The following HYCC2 variants were observed in gnomAD, a reference collection of about 807,000 sequenced individuals.
HYCC2 encodes hyccin PI4KA lipid kinase complex subunit 2.
the HYCC2 span, among the ~76,000 whole-genome samples, chr2:201,039,578 C>T: frequency 0.32 from 48,105 of 151,874 alleles, 10,092 homozygotes; most frequent in African/African-American, 0.6. Context: ...GTCTTTTTTT[C>T]GGTCAGGCAA....
chr2:200,986,190 C>A, the HYCC2 span, among the ~76,000 whole-genome samples: 2 of 152,254 alleles, frequency 1.3e-5, no homozygotes, highest in African/African-American at 4.8e-5. Flanking sequence ...TTTTTTGGGT[C>A]CCTAGGTCAT....
the HYCC2 span, among the ~76,000 whole-genome samples, chr2:200,990,220 A>G: frequency 1.3e-5 from 2 of 152,162 alleles, no homozygotes; most frequent in Admixed American, 6.5e-5. Context: ...TTTGGTATTT[A>G]TAATTTTGGT....
the HYCC2 span, among the ~76,000 whole-genome samples, chr2:200,991,730 G>A: frequency 2.7e-5 from 4 of 148,804 alleles, no homozygotes; most frequent in Non-Finnish European, 4.4e-5. Context: ...GAGAGACTTC[G>A]TATCAAAAAC....
At chr2:200,981,364 G>C in the HYCC2 span, 1 of 1,614,192 alleles carries the variant, frequency 6.2e-7, no homozygotes, top group Non-Finnish European at 8.5e-7. This position sits in a 1 kb window ranked among gnomAD's most constrained non-coding sequence, Gnocchi z 4.5. Context: ...ACCTTCGCCA[G>C]CTTGACCTAG....
chr2:201,064,002 A>G, the HYCC2 span: 6 of 1,597,344 alleles, frequency 3.8e-6, no homozygotes, highest in Admixed American at 3.3e-5. Context: ...TAAGGTGGCT[A>G]TGGCGGTTCC....
the HYCC2 span, among the ~76,000 whole-genome samples, chr2:201,013,657 C>G: frequency 3.3e-5 from 5 of 152,104 alleles, no homozygotes; most frequent in East Asian, 9.6e-4. Flanking sequence ...TGAAAAGTCC[C>G]TTGAGGGTAT....
At chr2:201,005,277 T>C in the HYCC2 span, among the ~76,000 whole-genome samples, 1 of 152,118 alleles carries the variant, frequency 6.6e-6, no homozygotes, top group Non-Finnish European at 1.5e-5. Flanking sequence ...TCCTCTGTTT[T>C]TCTGGGGGGG....
chr2:200,974,760 A>G, the HYCC2 span: 3 of 152,010 alleles, frequency 2.0e-5, no homozygotes, highest in African/African-American at 7.2e-5. Flanking sequence ...AAAATTATTT[A>G]ACTTTTGAAA....
At chr2:201,001,956 G>A in the HYCC2 span, among the ~76,000 whole-genome samples, 1 of 152,090 alleles carries the variant, frequency 6.6e-6, no homozygotes, top group African/African-American at 2.4e-5. Context: ...ATAGGCATGA[G>A]CCACTGTGCC....
the HYCC2 span, among the ~76,000 whole-genome samples, chr2:201,003,708 TAAAAA>T: frequency 5.4e-4 from 69 of 128,260 alleles, no homozygotes; most frequent in Middle Eastern, 4.2e-3. Context: ...GACTCCATCT[TAAAAA>T]AAAAAAAAAA....
the HYCC2 span, among the ~76,000 whole-genome samples, chr2:201,000,621 C>T: frequency 6.6e-6 from 1 of 151,946 alleles, no homozygotes; most frequent in East Asian, 1.9e-4. Flanking sequence ...GTTGTAGAAA[C>T]GTAAAATGGT....
the HYCC2 span, among the ~76,000 whole-genome samples, chr2:201,031,373 C>T: frequency 6.6e-6 from 1 of 152,118 alleles, no homozygotes; most frequent in South Asian, 2.1e-4. Context: ...AAAAATCGGC[C>T]GGGCACAGTG....
At chr2:201,050,907 C>T in the HYCC2 span, among the ~76,000 whole-genome samples, 1 of 152,130 alleles carries the variant, frequency 6.6e-6, no homozygotes, top group Admixed American at 6.5e-5. Flanking sequence ...TGCACTCCAG[C>T]CTGGGGGGAC....
chr2:201,050,122 G>A, the HYCC2 span, among the ~76,000 whole-genome samples: 4,518 of 151,778 alleles, frequency 0.03, 108 homozygotes, highest in Middle Eastern at 0.088. Context: ...TGTGAGGTGG[G>A]AGGATTGCTT....
the HYCC2 span, among the ~76,000 whole-genome samples, chr2:201,019,167 C>A: frequency 2.6e-5 from 4 of 152,102 alleles, no homozygotes; most frequent in Non-Finnish European, 5.9e-5. Flanking sequence ...AAAATTTATA[C>A]TCATGTTTCA....
the HYCC2 span, among the ~76,000 whole-genome samples, chr2:201,033,465 G>A: frequency 2.6e-5 from 4 of 151,278 alleles, no homozygotes; most frequent in African/African-American, 7.3e-5. Context: ...GTGCAGTGGC[G>A]CGATCTCGGC....
At chr2:201,043,857 C>T in the HYCC2 span, among the ~76,000 whole-genome samples, 72 of 152,234 alleles carry the variant, frequency 4.7e-4, no homozygotes, top group Non-Finnish European at 8.5e-4. Context: ...ATAGAGATAT[C>T]TACAGAGCAC....
chr2:201,050,618 A>C, the HYCC2 span, among the ~76,000 whole-genome samples: 4 of 150,968 alleles, frequency 2.6e-5, no homozygotes, highest in African/African-American at 9.7e-5. Context: ...AAAAAAAGGA[A>C]TAAAGACTTC....
the HYCC2 span, among the ~76,000 whole-genome samples, chr2:201,058,263 T>A: frequency 6.6e-6 from 1 of 152,220 alleles, no homozygotes; most frequent in Non-Finnish European, 1.5e-5. Context: ...CCCCCAGGGA[T>A]CTATAATAAA....
Sources: allele counts gnomAD v4.1 joint callset (sites outside exome capture counted in the v4.1 genomes callset), GRCh38; gene constraint gnomAD v4.1.1; non-coding constraint Gnocchi (gnomAD v3.1); transcripts MANE v1.5; gene names NCBI Gene and HGNC (gene_info 2026-07-23, HGNC 2026-07-21).